Variants in HKDC1 observed in about 807,000 individuals in gnomAD.
HKDC1 encodes hexokinase domain containing 1, also known as hexokinase HKDC1.
A neutral mutation model predicts 96.6 loss-of-function variants in HKDC1; 66 were observed. That is an observed-to-expected ratio of 0.68 (90% confidence interval 0.56 to 0.84). The LOEUF (loss-of-function observed/expected upper bound fraction) is 0.84. Ranked by LOEUF, HKDC1 falls within the 40% of genes least tolerant of loss-of-function variation. The pLI, the probability that HKDC1 is intolerant of heterozygous loss-of-function variation, is 0.00. For synonymous variants in HKDC1, 466 were observed against 473.1 expected (o/e 0.98, Z 0.20); for missense variants, 1,211 against 1,208.1 (o/e 1.00, Z -0.04).
chr10:69,258,451 T>C (rs1843753930), intron 14 of HKDC1, among the ~76,000 whole-genome samples: 1 of 152,154 alleles, frequency 6.6e-6, no homozygotes, highest in Non-Finnish European at 1.5e-5. Context: ...TTTGTGTGCC[T>C]ATGGCTTAAC....
chr10:69,237,627 C>G (rs1223194536), intron 4 of HKDC1, among the ~76,000 whole-genome samples: 1 of 152,338 alleles, frequency 6.6e-6, no homozygotes. Context: ...TTATCCCTCA[C>G]TTCCCCCATC....
At chr10:69,240,163 T>G (rs1176724597) in intron 5 of HKDC1, among the ~76,000 whole-genome samples, 1 of 152,046 alleles carries the variant, frequency 6.6e-6, no homozygotes, top group Non-Finnish European at 1.5e-5. Flanking sequence ...AAACAAAGGC[T>G]GAAACCTGGG....
chr10:69,261,588 T>C (rs1193030962), intron 16 of HKDC1: 1 of 271,818 alleles, frequency 3.7e-6, no homozygotes, highest in African/African-American at 2.1e-5. Flanking sequence ...TTTCATAATG[T>C]ATTTCTGAAA....
intron 14 of HKDC1, among the ~76,000 whole-genome samples, chr10:69,258,330 C>T (rs547943778): frequency 2.6e-5 from 4 of 152,216 alleles, no homozygotes; most frequent in Admixed American, 2.6e-4. Context: ...AAGTCATGGG[C>T]AAGGAAGAAG....
At chr10:69,244,030 G>A (rs1014332063) in intron 7 of HKDC1, among the ~76,000 whole-genome samples, 2 of 151,972 alleles carry the variant, frequency 1.3e-5, no homozygotes, top group African/African-American at 2.4e-5. Flanking sequence ...AGGCACAGCC[G>A]AACTCGTCGT....
chr10:69,261,125 T>G lies in HKDC1; in HGVS notation c.2217-14T>G. The stretch of plus-strand genomic sequence containing the variant: ...TGCAGGTCTGCCCCAACCTTATCCT[T>G]CTTCTCCAAACAGATACGAGAAAAT... On this transcript the variant is annotated splice_polypyrimidine_tract_variant and intron_variant, in intron 15 of 17. Coordinates refer to ENST00000354624, the MANE Select transcript of HKDC1 (RefSeq NM_025130.4). The G allele has an allele frequency of 1.9e-6, 3 of 1,609,006 alleles. No homozygotes were observed. The highest frequency in any genetic ancestry group is 2.6e-6 in the Non-Finnish European group (3 of 1,175,666).
Position 69,250,417 on chromosome 10 carries a change from G to T in HKDC1, c.1698G>T (p.Met566Ile), listed in dbSNP as rs1035579504. The T allele has an allele frequency of 1.2e-6, 2 of 1,613,700 alleles. No homozygotes were observed. The highest frequency in any genetic ancestry group is 1.3e-5 in the African/African-American group (1 of 74,944). ...TCTTCGCCATCCCCCTGGAGATCAT[G>T]CAGGGCACTGGTGAGGAGGTAAGTG... ...NKIFAIPLEI[M>I]QGTGEELFDH... The change falls in exon 11 of 18, where the codon ATG becomes ATT. Residue 566 changes from methionine (M) to isoleucine (I), a missense_variant. By Grantham distance (10) the Met-to-Ile change is conservative (BLOSUM62 1). Transcript: ENST00000354624.
At chr10:69,259,240 A>C (rs1413276063) in intron 15 of HKDC1, among the ~76,000 whole-genome samples, 1 of 152,190 alleles carries the variant, frequency 6.6e-6, no homozygotes, top group Non-Finnish European at 1.5e-5. Flanking sequence ...GGGCATGGTA[A>C]CTCAGTGAGC....
At position 69,257,135 on chromosome 10, in the gene HKDC1, G is replaced by A. The variant is rs1462375490; in HGVS notation, c.1932+4G>A. On this transcript the variant is annotated splice_donor_region_variant and intron_variant, in intron 13 of 17. Coordinates refer to ENST00000354624, the MANE Select transcript of HKDC1 (RefSeq NM_025130.4). ...GGAAGCCATCAAGAGGAGAAACGTA[G>A]GATGTGGTGTTGAGGCTCATGCCTG... is the stretch of plus-strand genomic sequence containing the variant. The A allele has an allele frequency of 1.2e-6, 2 of 1,612,974 alleles. No homozygotes were observed. The highest frequency in any genetic ancestry group is 1.1e-5 in the South Asian group (1 of 91,060).
chr10:69,248,654 TGAA>T lies in HKDC1; in HGVS notation c.1505_1507del (p.Lys502del), dbSNP rs763639485. ...ATGCGGGCTGAGCTGGAGTATGGGC[TGAA>T]GAAGAAGAGCCACGGGCTGGCCACG... On this transcript the variant is annotated inframe_deletion, in exon 10 of 18. Coordinates refer to ENST00000354624, the MANE Select transcript of HKDC1 (RefSeq NM_025130.4). 64 of 1,614,014 alleles carry T rather than the reference TGAA, an allele frequency of 4.0e-5. No individual in the cohort carries two copies. Among genetic ancestry groups the T allele is most frequent in the Non-Finnish European group, 4.8e-5 (57 of 1,180,020 alleles).
intron 16 of HKDC1, chr10:69,261,553 T>TCTTA: frequency 2.5e-6 from 1 of 396,368 alleles, no homozygotes; most frequent in South Asian, 5.2e-5. Flanking sequence ...AAACCCCACA[T>TCTTA]CTTACATCAG....
At chr10:69,228,853 G>A (rs569806735) in intron 2 of HKDC1, among the ~76,000 whole-genome samples, 42 of 151,090 alleles carry the variant, frequency 2.8e-4, no homozygotes, top group African/African-American at 9.3e-4. Flanking sequence ...GTGACAGAGC[G>A]AGACGCCATC....
intron 16 of HKDC1, 78 bp from the exon 17 acceptor site, chr10:69,265,506 TG>T: frequency 3.3e-6 from 4 of 1,216,778 alleles, no homozygotes; most frequent in Non-Finnish European, 3.6e-6. Context: ...CATCTAAGAA[TG>T]GGGAGGCTGT....
chr10:69,265,432 T>C (rs1843880368), intron 16 of HKDC1, 153 bp from the exon 17 acceptor site: 4 of 672,778 alleles, frequency 5.9e-6, no homozygotes, highest in Non-Finnish European at 1.0e-5. Context: ...GAGTCTCGGC[T>C]TCTAAGGCAT....
At chr10:69,250,883 G>A (rs571237349) in intron 12 of HKDC1, among the ~76,000 whole-genome samples, 118 of 152,208 alleles carry the variant, frequency 7.8e-4, no homozygotes, top group Middle Eastern at 3.4e-3. Flanking sequence ...AAAGGGACAT[G>A]TGCATAATAT....
chr10:69,245,948 C>T (rs769777733), intron 7 of HKDC1, 131 bp from the exon 8 acceptor site: 43 of 1,143,792 alleles, frequency 3.8e-5, no homozygotes, highest in Admixed American at 1.7e-4. Flanking sequence ...CAGCACTTTG[C>T]GAGAAGGAGG....
At chr10:69,236,832 C>T (rs770132013) in intron 4 of HKDC1, among the ~76,000 whole-genome samples, 7 of 151,544 alleles carry the variant, frequency 4.6e-5, no homozygotes, top group Non-Finnish European at 5.9e-5. Context: ...TTTTTCTCAT[C>T]GCAGTCTAGT....
intron 10 of HKDC1, 163 bp downstream of exon 10, chr10:69,248,891 GT>G: frequency 1.5e-6 from 1 of 670,528 alleles, no homozygotes. Flanking sequence ...GTTGGCCTTT[GT>G]TAACCCAAGG....
intron 1 of HKDC1, among the ~76,000 whole-genome samples, chr10:69,222,630 C>A (rs186692582): frequency 6.6e-6 from 1 of 152,302 alleles, no homozygotes; most frequent in Admixed American, 6.5e-5. Flanking sequence ...TCAGGAGCAC[C>A]CTGTGATGGG....
Sources: allele counts gnomAD v4.1 joint callset (sites outside exome capture counted in the v4.1 genomes callset), GRCh38; gene constraint gnomAD v4.1.1; transcripts MANE v1.5; gene names NCBI Gene and HGNC (gene_info 2026-07-23, HGNC 2026-07-21).